Variants in ATP8B4 observed in about 807,000 individuals in gnomAD.
ATP8B4 encodes the protein probable phospholipid-transporting ATPase IM.
In ATP8B4, 133 loss-of-function variants were observed where a neutral mutation model predicts 145.6. The ratio of observed to expected loss-of-function variants is 0.91; its 90% CI spans 0.79 to 1.05. The LOEUF is 1.05. Among genes scored for constraint, ATP8B4 ranks in the 50% least tolerant of loss-of-function variants. The pLI is 0.00. For missense variants in ATP8B4, 1,458 were observed against 1,425.2 expected (o/e 1.02, Z -0.37); for synonymous variants, 507 against 492.9 (o/e 1.03, Z -0.38).
intron 3 of ATP8B4, among the ~76,000 whole-genome samples, chr15:50,048,804 A>T (rs1367131427): frequency 2.0e-5 from 3 of 152,122 alleles, no homozygotes; most frequent in Non-Finnish European, 4.4e-5. Context: ...TTCCAAAGAG[A>T]TATGTAGGCC....
chr15:50,055,185 A>G (rs146154176), intron 3 of ATP8B4, among the ~76,000 whole-genome samples: 293 of 152,300 alleles, frequency 1.9e-3, no homozygotes, highest in Middle Eastern at 0.01. Flanking sequence ...ACTCCGCACT[A>G]AAAATGCAGG....
intron 17 of ATP8B4, among the ~76,000 whole-genome samples, chr15:49,921,629 G>A (rs1005936042): frequency 6.6e-6 from 1 of 152,120 alleles, no homozygotes; most frequent in Non-Finnish European, 1.5e-5. Flanking sequence ...CATTGAGTAT[G>A]TCTCCTCTGT....
At chr15:49,978,815 GGTGTGT>G (rs60135914) in intron 12 of ATP8B4, among the ~76,000 whole-genome samples, 1 of 145,222 alleles carries the variant, frequency 6.9e-6, no homozygotes, top group Non-Finnish European at 1.5e-5. Context: ...AATAAAGAGG[GGTGTGT>G]GTGTGTGTGT....
chr15:49,911,645 A>G (rs187531475), intron 20 of ATP8B4, among the ~76,000 whole-genome samples: 1 of 152,276 alleles, frequency 6.6e-6, no homozygotes, highest in East Asian at 1.9e-4. Flanking sequence ...CAGATAATCA[A>G]TGAAGAACAT....
intron 7 of ATP8B4, among the ~76,000 whole-genome samples, chr15:50,004,379 C>G (rs1185565197): frequency 6.6e-6 from 1 of 152,184 alleles, no homozygotes. Flanking sequence ...CATCCCTTGT[C>G]ACCCGTTTGC....
chr15:50,001,125 C>T (rs1454946658), intron 8 of ATP8B4, among the ~76,000 whole-genome samples: 2 of 151,748 alleles, frequency 1.3e-5, no homozygotes, highest in African/African-American at 2.4e-5. Flanking sequence ...AGAACTAGCT[C>T]TGTGTCGTTG....
chr15:50,173,236 G>A (rs1262353495), intron 1 of ATP8B4, among the ~76,000 whole-genome samples: 3 of 152,238 alleles, frequency 2.0e-5, no homozygotes, highest in Admixed American at 6.5e-5. Flanking sequence ...TGACGATGGC[G>A]GTTTTGTCGA....
intron 16 of ATP8B4, among the ~76,000 whole-genome samples, chr15:49,926,875 G>A (rs1200758085): frequency 2.0e-5 from 3 of 151,884 alleles, no homozygotes; most frequent in Admixed American, 6.6e-5. Flanking sequence ...TATCGCCGCT[G>A]TTCATACATC....
intron 2 of ATP8B4, among the ~76,000 whole-genome samples, chr15:50,079,884 G>A (rs886861269): frequency 2.0e-5 from 3 of 152,156 alleles, no homozygotes; most frequent in African/African-American, 4.8e-5. Flanking sequence ...CTGCTACACC[G>A]TATTGCTGGC....
In ATP8B4 at chr15:49,876,384, T is replaced by A. The variant is rs576137751; in HGVS notation, c.2921A>T (p.Tyr974Phe). 4 of 1,613,952 alleles carry A rather than the reference T, an allele frequency of 2.5e-6. No homozygotes were observed. Among genetic ancestry groups the A allele is most frequent in the Non-Finnish European group, 3.4e-6 (4 of 1,179,982 alleles). ...TCCAGCCACGTTGTAAAAGGCCCCA[T>A]AGGGGATGAAGAAAAGGACTAATGA... is the stretch of plus-strand genomic sequence containing the variant. ...YTSLVLFFIP[Y>F]GAFYNVAGED... The change falls in exon 25 of 28, where the codon TAT becomes TTT. Residue 974 changes from tyrosine to phenylalanine, a missense_variant. Transcript: ENST00000284509.
At chr15:50,042,104 G>A (rs1359703876) in intron 5 of ATP8B4, among the ~76,000 whole-genome samples, 11 of 149,518 alleles carry the variant, frequency 7.4e-5, no homozygotes, top group East Asian at 6.0e-4. Context: ...GCAGTGAGCC[G>A]AGATCATGCC....
intron 11 of ATP8B4, 127 bp from the exon 12 acceptor site, chr15:49,979,940 A>G (rs755469854): frequency 4.2e-5 from 24 of 568,834 alleles, no homozygotes; most frequent in Admixed American, 6.4e-5. Flanking sequence ...ACCTCTTCTT[A>G]CCATTAATCA....
intron 14 of ATP8B4, among the ~76,000 whole-genome samples, chr15:49,958,070 TA>T (rs1381148018): frequency 6.6e-6 from 1 of 151,604 alleles, no homozygotes; most frequent in Admixed American, 6.6e-5. Context: ...ATTCTTTTAT[TA>T]ACAGTGCAAT....
intron 2 of ATP8B4, among the ~76,000 whole-genome samples, chr15:50,086,041 T>G (rs1323546130): frequency 9.2e-6 from 1 of 108,132 alleles, no homozygotes; most frequent in Non-Finnish European, 1.7e-5. Context: ...ATATATAATA[T>G]AATATATAGA....
At chr15:50,144,426 G>A (rs1218776713) in intron 1 of ATP8B4, among the ~76,000 whole-genome samples, 2 of 152,196 alleles carry the variant, frequency 1.3e-5, no homozygotes, top group Non-Finnish European at 2.9e-5. Context: ...GGCTGGGGAG[G>A]CCTCAGGAAA....
chr15:50,048,121 A>T (rs1312619524), intron 3 of ATP8B4, among the ~76,000 whole-genome samples: 1 of 152,114 alleles, frequency 6.6e-6, no homozygotes, highest in Non-Finnish European at 1.5e-5. Flanking sequence ...TGTATGAATG[A>T]TCCTGTCGTC....
At chr15:49,926,788 G>C (rs933256648) in intron 16 of ATP8B4, among the ~76,000 whole-genome samples, 2 of 152,076 alleles carry the variant, frequency 1.3e-5, no homozygotes, top group Non-Finnish European at 2.9e-5. Context: ...ATAAAGGAAA[G>C]AAAAAATGTC....
chr15:50,159,091 G>A (rs2044476633), intron 1 of ATP8B4, among the ~76,000 whole-genome samples: 1 of 151,828 alleles, frequency 6.6e-6, no homozygotes, highest in Non-Finnish European at 1.5e-5. Context: ...AAACACCCAA[G>A]AATGATCAAT....
intron 3 of ATP8B4, among the ~76,000 whole-genome samples, chr15:50,048,090 C>T (rs1273796124): frequency 6.6e-6 from 1 of 151,956 alleles, no homozygotes; most frequent in African/African-American, 2.4e-5. Flanking sequence ...CATGAGAGAA[C>T]TACATGTCAC....
Sources: gnomAD v4.1 joint callset for allele counts (sites outside exome capture counted in the v4.1 genomes callset) on GRCh38, gnomAD v4.1.1 for gene constraint, MANE v1.5 for transcripts, NCBI Gene and HGNC (gene_info 2026-07-23, HGNC 2026-07-21) for gene names.